TRHDE: variants seen among roughly 807,000 people sequenced by gnomAD.
TRHDE encodes thyrotropin releasing hormone degrading enzyme, also known as thyrotropin-releasing hormone-degrading ectoenzyme.
In TRHDE, 72 loss-of-function variants were observed where a neutral mutation model predicts 125.7. The observed-to-expected ratio is 0.57, with a 90% CI of 0.47 to 0.70. TRHDE has a LOEUF of 0.70. Among genes scored for constraint, TRHDE ranks in the 30% least tolerant of loss-of-function variants. The pLI is 0.00. For missense variants in TRHDE, 1,110 were observed against 1,327.1 expected (o/e 0.84, Z 2.54); for synonymous variants, 509 against 509.1 (o/e 1.00, Z 0.00).
chr12:72,607,999 T>C (rs10879461), intron 12 of TRHDE, among the ~76,000 whole-genome samples: 61,374 of 151,966 alleles, frequency 0.4, 14,392 homozygotes, highest in African/African-American at 0.64. Flanking sequence ...AAATTTCAAC[T>C]TTAGCTCTAC....
chr12:72,433,025 T>C (rs1283240646), intron 3 of TRHDE, among the ~76,000 whole-genome samples: 1 of 152,190 alleles, frequency 6.6e-6, no homozygotes, highest in East Asian at 1.9e-4. Flanking sequence ...GGGTGCTAGA[T>C]ATTTTCAAAT....
At chr12:72,445,349 T>C (rs1171506189) in intron 3 of TRHDE, among the ~76,000 whole-genome samples, 1 of 151,866 alleles carries the variant, frequency 6.6e-6, no homozygotes, top group Non-Finnish European at 1.5e-5. Context: ...ATTGCCCTGT[T>C]CATAGGTGTA....
chr12:72,354,803 G>A (rs12297838), intron 2 of TRHDE, among the ~76,000 whole-genome samples: 8,298 of 150,916 alleles, frequency 0.055, 457 homozygotes, highest in African/African-American at 0.13. Flanking sequence ...GTATGTATGT[G>A]TAGGCACTAC....
intron 3 of TRHDE, among the ~76,000 whole-genome samples, chr12:72,440,423 C>T (rs780208502): frequency 6.6e-6 from 1 of 151,744 alleles, no homozygotes; most frequent in African/African-American, 2.4e-5. Flanking sequence ...TAAATTTTCA[C>T]ATACATATTT....
At chr12:72,553,568 T>A (rs1400283913) in intron 7 of TRHDE, among the ~76,000 whole-genome samples, 1 of 152,002 alleles carries the variant, frequency 6.6e-6, no homozygotes, top group Non-Finnish European at 1.5e-5. Flanking sequence ...TCTTGTCATC[T>A]CAGTAGAGCT....
At chr12:72,167,070 G>A (rs1337294661) in intron 2 of TRHDE, among the ~76,000 whole-genome samples, 1 of 152,020 alleles carries the variant, frequency 6.6e-6, no homozygotes, top group Non-Finnish European at 1.5e-5. Context: ...GCTGAGGCAT[G>A]TGTCCTTTAT....
At chr12:72,609,419 G>A (rs1371239700) in intron 12 of TRHDE, among the ~76,000 whole-genome samples, 1 of 152,076 alleles carries the variant, frequency 6.6e-6, no homozygotes, top group Non-Finnish European at 1.5e-5. Context: ...AAAATTTTTT[G>A]AGTACTGATT....
intron 2 of TRHDE, among the ~76,000 whole-genome samples, chr12:72,300,377 C>CAT (rs530534241): frequency 0.027 from 3,968 of 147,344 alleles, 131 homozygotes; most frequent in African/African-American, 0.077. Flanking sequence ...CACACACACA[C>CAT]ACACACACAC....
At chr12:72,111,723 C>T (rs1156541414) in intron 2 of TRHDE, among the ~76,000 whole-genome samples, 1 of 152,154 alleles carries the variant, frequency 6.6e-6, no homozygotes, top group Non-Finnish European at 1.5e-5. Flanking sequence ...ACTTCTGAGG[C>T]ATTTTTAGCC....
chr12:72,089,708 C>T (rs1874748384), intron 1 of TRHDE, among the ~76,000 whole-genome samples: 1 of 152,204 alleles, frequency 6.6e-6, no homozygotes, highest in Non-Finnish European at 1.5e-5. Context: ...CACTCCAAAT[C>T]TCTTAACTCT....
At chr12:72,410,817 A>T (rs1326253516) in intron 3 of TRHDE, among the ~76,000 whole-genome samples, 2 of 151,762 alleles carry the variant, frequency 1.3e-5, no homozygotes, top group Non-Finnish European at 2.9e-5. Context: ...CTGGCTGTCC[A>T]CCACTTCTAG....
chr12:72,526,990 A>G (rs1868348157), intron 6 of TRHDE, among the ~76,000 whole-genome samples: 1 of 152,204 alleles, frequency 6.6e-6, no homozygotes, highest in Non-Finnish European at 1.5e-5. Flanking sequence ...CTTGACATCT[A>G]TACTTGGGTT....
rs555065611 is a variant in TRHDE at position 72,182,008 on chromosome 12, A to G, written n.279+76256A>G. 2.0e-5 allele frequency among the ~76,000 whole-genome samples: 3 copies of G among 152,308 alleles called. No homozygotes were observed. The South Asian group carries it at 6.2e-4, about 32-fold the overall frequency. On this transcript the variant is annotated intron_variant and non_coding_transcript_variant, in intron 2 of 4. Transcript: ENST00000548156. ...TCTTTTAAATGTGGAGTTTGGGTAG[A>G]AATGTTTTATATCTGTCAAATTGAG...
chr12:72,367,453 T>C (rs1216426684), intron 2 of TRHDE, among the ~76,000 whole-genome samples: 1 of 152,134 alleles, frequency 6.6e-6, no homozygotes, highest in African/African-American at 2.4e-5. Flanking sequence ...GCTTCTTCTT[T>C]ATGTTCATTG....
intron 2 of TRHDE, among the ~76,000 whole-genome samples, chr12:72,113,634 C>T (rs1439511591): frequency 6.6e-6 from 1 of 151,892 alleles, no homozygotes; most frequent in Non-Finnish European, 1.5e-5. Context: ...CCTTTGGCAA[C>T]CAGCCCCCAT....
At chr12:72,447,223 T>C (rs55787921) in intron 3 of TRHDE, among the ~76,000 whole-genome samples, 17,080 of 151,968 alleles carry the variant, frequency 0.11, 1,333 homozygotes, top group African/African-American at 0.21. Context: ...CACTCAAAAC[T>C]GCTCAACTAC....
intron 2 of TRHDE, among the ~76,000 whole-genome samples, chr12:72,245,153 G>T (rs1878551533): frequency 6.6e-6 from 1 of 151,762 alleles, no homozygotes. Context: ...TATCTCATTA[G>T]TTGTGCGGCA....
chr12:72,161,205 C>G (rs1469193929), intron 2 of TRHDE, among the ~76,000 whole-genome samples: 1 of 152,160 alleles, frequency 6.6e-6, no homozygotes, highest in Non-Finnish European at 1.5e-5. Flanking sequence ...GAGGCCAAGG[C>G]TGGCAGATCA....
At chr12:72,280,261 A>G (rs919031263) in intron 1 of TRHDE, among the ~76,000 whole-genome samples, 1 of 152,198 alleles carries the variant, frequency 6.6e-6, no homozygotes, top group Non-Finnish European at 1.5e-5. Context: ...GGTTGTTGTG[A>G]TGATTACATC....
Sources: gnomAD v4.1 joint callset for allele counts (sites outside exome capture counted in the v4.1 genomes callset) on GRCh38, gnomAD v4.1.1 for gene constraint, MANE v1.5 for transcripts, NCBI Gene and HGNC (gene_info 2026-07-23, HGNC 2026-07-21) for gene names.